SMYD2: variants seen among roughly 807,000 people sequenced by gnomAD.
SMYD2 encodes the protein SET and MYND domain containing 2.
In SMYD2, 53 loss-of-function variants were observed where a neutral mutation model predicts 59.1. The ratio of observed to expected loss-of-function variants is 0.90; its 90% confidence interval spans 0.72 to 1.13. SMYD2 has a LOEUF of 1.13. Among genes scored for constraint, SMYD2 ranks in the 50% most tolerant of loss-of-function variants. The probability of loss-of-function intolerance (pLI) is 0.00; values close to 1 mark genes in which losing one functional copy is unlikely to be tolerated. For synonymous variants in SMYD2, 208 were observed against 198.8 expected (o/e 1.05, Z -0.39); for missense variants, 494 against 544.7 (o/e 0.91, Z 0.93).
chr1:214,307,144 G>T (rs944585396), intron 2 of SMYD2, among the ~76,000 whole-genome samples: 1 of 152,262 alleles, frequency 6.6e-6, no homozygotes, highest in South Asian at 2.1e-4. Flanking sequence ...TTGCACTCCA[G>T]CCTGGGCAAC....
chr1:214,324,495 C>T (rs1031411477), intron 5 of SMYD2, 146 bp from the exon 6 acceptor site: 22 of 670,980 alleles, frequency 3.3e-5, no homozygotes, highest in Admixed American at 6.0e-5. Flanking sequence ...TTTGTTTGAA[C>T]GATAACATGG....
rs567399320 is a variant in SMYD2, at chr1:214,300,925, G to T, written c.174-4262G>T. ...GTACTCTTAAAAATTATTGAGAACC[G>T]CAGAGAGCTTTTGTTTATATGAGTT... On this transcript the variant is annotated intron_variant, in intron 1 of 11. Transcript: ENST00000366957. 1.1e-3 allele frequency among the ~76,000 whole-genome samples: 160 copies of T among 152,280 alleles called. 1 individual carries two copies. Among genetic ancestry groups the T allele is most frequent in the Non-Finnish European group, 1.9e-3 (127 of 68,014 alleles).
chr1:214,309,875 G>A (rs192945403), intron 2 of SMYD2, among the ~76,000 whole-genome samples: 6 of 152,266 alleles, frequency 3.9e-5, no homozygotes, highest in South Asian at 2.1e-4. Context: ...TCAGCAGCAC[G>A]GGCCATCTTT....
Position 214,281,266 on chromosome 1 carries a change from G to A in SMYD2, c.12G>A (p.Glu4=). 1 of 1,270,870 alleles carries A rather than the reference G, an allele frequency of 7.9e-7. No individual in the cohort carries two copies. The highest frequency in any genetic ancestry group is 1.0e-6 in the Non-Finnish European group (1 of 1,001,300). The allele number at this position is 1,270,870 out of a possible 1,614,324, so 78.7% of individuals were successfully genotyped here. A position where few individuals can be genotyped will look rare whatever the true frequency, so the allele number is the denominator to read the frequency against. MRA[E]GLGGLERFCS... The stretch of plus-strand genomic sequence containing the variant: ...GCCCCGCCGCCACCATGAGGGCCGA[G>A]GGCCTCGGCGGCCTGGAGCGCTTCT... Residue 4 remains glutamate, a synonymous_variant, in exon 1 of 12, where the codon GAG becomes GAA. Transcript: ENST00000366957.
rs1656433508 is a variant in SMYD2 at position 214,281,202 on chromosome 1, C to T, written c.-53C>T. Reference sequence around the variant, plus strand: ...CTAGGTGACGCGTCTCCAATAACAGCTCGCCGGGAGCCGCAGCTCGGGCAC... The same window carrying T: ...CTAGGTGACGCGTCTCCAATAACAGTTCGCCGGGAGCCGCAGCTCGGGCAC... On this transcript the variant is annotated 5_prime_UTR_variant, in exon 1 of 12. Coordinates refer to ENST00000366957, the MANE Select transcript of SMYD2 (RefSeq NM_020197.3). The T allele has an allele frequency of 8.3e-7, 1 of 1,206,160 alleles. No individual in the cohort carries two copies. Among genetic ancestry groups the T allele is most frequent in the Non-Finnish European group, 1.0e-6 (1 of 966,252 alleles). 74.7% of individuals were successfully genotyped at this position (1,206,160 alleles called of 1,614,324 possible).
At chr1:214,304,556 C>CT (rs1467680777) in intron 1 of SMYD2, among the ~76,000 whole-genome samples, 2 of 27,628 alleles carry the variant, frequency 7.2e-5, no homozygotes, top group African/African-American at 6.3e-4. Flanking sequence ...GAGACCCTAT[C>CT]TCAAAAAAAA....
chr1:214,288,938 C>CTTTT (rs10660642), intron 1 of SMYD2, among the ~76,000 whole-genome samples: 10,419 of 136,604 alleles, frequency 0.076, 515 homozygotes, highest in South Asian at 0.2. Flanking sequence ...AGCCCATAGT[C>CTTTT]TTTTTTTTTT....
intron 1 of SMYD2, among the ~76,000 whole-genome samples, chr1:214,287,327 C>G (rs1400912780): frequency 6.6e-6 from 1 of 151,894 alleles, no homozygotes; most frequent in East Asian, 1.9e-4. Context: ...TGGCTCATGC[C>G]TGTAATCCCA....
chr1:214,287,061 T>G (rs1656560166), intron 1 of SMYD2, among the ~76,000 whole-genome samples: 1 of 151,792 alleles, frequency 6.6e-6, no homozygotes, highest in Non-Finnish European at 1.5e-5. Context: ...ACTCCTGACC[T>G]CAGGTGATCC....
At chr1:214,300,607 C>G (rs1656806089) in intron 1 of SMYD2, among the ~76,000 whole-genome samples, 1 of 152,192 alleles carries the variant, frequency 6.6e-6, no homozygotes, top group Non-Finnish European at 1.5e-5. Context: ...TTTGTTGTTA[C>G]TATTAGCTTA....
rs368794892 is a variant in SMYD2 at position 214,332,187 on chromosome 1, C to A, written c.1107C>A (p.Pro369=). 2 of 1,613,930 alleles carry A rather than the reference C, an allele frequency of 1.2e-6. No individual in the cohort carries two copies. The highest frequency in any genetic ancestry group is 3.3e-5 in the Admixed American group (2 of 60,010). The change falls in exon 10 of 12, where the codon CCC becomes CCA. Residue 369 remains proline, a synonymous_variant. Coordinates refer to ENST00000366957, the MANE Select transcript of SMYD2 (RefSeq NM_020197.3). The part of the protein sequence containing the change: ...ALQYGQKIIK[P]YSKHYPLYSL... ...AATATGGACAGAAAATCATTAAGCCCTACAGGTGATTGCAGAGGCTGTTCT... is the reference window on the plus strand; with the variant it reads ...AATATGGACAGAAAATCATTAAGCCATACAGGTGATTGCAGAGGCTGTTCT...
rs780945818 is a variant in SMYD2 at position 214,312,907 on chromosome 1, A to G, written c.238-1855A>G. On this transcript the variant is annotated intron_variant, in intron 2 of 11. Transcript: ENST00000366957. The surrounding 1 kb of genome is among the most constrained non-coding windows in gnomAD (Gnocchi z 4.1). ...CAGGCTGCTCTCTGGAACCTAGTCC[A>G]TGGGAGCAAGGACAGAAGCGGGCAT... Among the ~76,000 whole-genome samples, 6 of 152,222 alleles carry G rather than the reference A, an allele frequency of 3.9e-5. No individual in the cohort carries two copies. Among genetic ancestry groups the G allele is most frequent in the Non-Finnish European group, 7.3e-5 (5 of 68,034 alleles).
Position 214,330,971 on chromosome 1 carries a change from C to G in SMYD2, c.838C>G (p.Arg280Gly). The G allele has an allele frequency of 1.2e-6, 2 of 1,614,164 alleles. No individual in the cohort carries two copies. Among genetic ancestry groups the G allele is most frequent in the Non-Finnish European group, 1.7e-6 (2 of 1,180,038 alleles). Residue 280 changes from arginine (R) to glycine (G), a missense_variant, in exon 9 of 12, where the codon CGG (arginine) becomes GGG (glycine). By Grantham distance (125) the Arg-to-Gly change is moderately radical. Transcript: ENST00000366957. ...KDKDKAKVEI[R>G]KLSDPPKAEA... ...TCAGGATAAGGCCAAGGTGGAAATCCGGAAGCTCAGCGATCCCCCAAAGGC... is the reference window on the plus strand; with the variant it reads ...TCAGGATAAGGCCAAGGTGGAAATCGGGAAGCTCAGCGATCCCCCAAAGGC...
chr1:214,301,709 A>AT (rs1164185534), intron 1 of SMYD2, among the ~76,000 whole-genome samples: 1 of 150,600 alleles, frequency 6.6e-6, no homozygotes, highest in Non-Finnish European at 1.5e-5. Flanking sequence ...TTTCAGTAAT[A>AT]TATCTGCCAA....
At position 214,318,543 on chromosome 1, in the gene SMYD2, T is replaced by C. The variant is rs1657121783; in HGVS notation, c.410-316T>C. On this transcript the variant is annotated intron_variant, in intron 4 of 11. Coordinates refer to ENST00000366957, the MANE Select transcript of SMYD2 (RefSeq NM_020197.3). This position sits in a 1 kb window ranked among gnomAD's most constrained non-coding sequence, Gnocchi z 5.4. ...ATTCCCGGGCCAATTGGGGGGCCCT[T>C]GACTAGGCTGAGGCTGGTTATGAGT... Among the ~76,000 whole-genome samples the C allele has an allele frequency of 6.6e-6, 1 of 152,152 alleles. No individual in the cohort carries two copies. Among genetic ancestry groups the C allele is most frequent in the Non-Finnish European group, 1.5e-5 (1 of 68,014 alleles).
rs12725392 is a variant in SMYD2 at position 214,318,524 on chromosome 1, G to A, written c.410-335G>A. ...TTGTTTGACCACGGCCCAGATTCCC[G>A]GGCCAATTGGGGGGCCCTTGACTAG... On this transcript the variant is annotated intron_variant, in intron 4 of 11. Coordinates refer to ENST00000366957, the MANE Select transcript of SMYD2 (RefSeq NM_020197.3). The surrounding 1 kb of genome is among the most constrained non-coding windows in gnomAD (Gnocchi z 5.4). 0.27 allele frequency among the ~76,000 whole-genome samples: 41,181 copies of A among 151,960 alleles called. 5,885 individuals are homozygous for A. The highest frequency in any genetic ancestry group is 0.47 in the East Asian group (2,416 of 5,146).
At position 214,318,406 on chromosome 1, in the gene SMYD2, T is replaced by C. The variant is rs368152909; in HGVS notation, c.409+267T>C. Among the ~76,000 whole-genome samples, 256 of 152,294 alleles carry C rather than the reference T, an allele frequency of 1.7e-3. 14 individuals carry two copies. The South Asian group carries it at 0.048, about 29-fold the overall frequency. ...CCTGAGCTACCTCCTGCTGGCCCTC[T>C]TGGCATGCTGAATACTTTTGGATCT... On this transcript the variant is annotated intron_variant, in intron 4 of 11. Coordinates refer to ENST00000366957, the MANE Select transcript of SMYD2 (RefSeq NM_020197.3). This position sits in a 1 kb window ranked among gnomAD's most constrained non-coding sequence, Gnocchi z 5.4.
At chr1:214,324,582 C>G in intron 5 of SMYD2, 59 bp from the exon 6 acceptor site, 4 of 1,433,464 alleles carry the variant, frequency 2.8e-6, no homozygotes, top group Non-Finnish European at 3.9e-6. Context: ...AAAAAATGAT[C>G]TCTACCCAGA....
intron 1 of SMYD2, among the ~76,000 whole-genome samples, chr1:214,304,589 A>G (rs1354923303): frequency 1.4e-5 from 2 of 147,758 alleles, no homozygotes; most frequent in African/African-American, 2.5e-5. Context: ...AAAAGCATCT[A>G]TCTCCACTTG....
Sources: gnomAD v4.1 joint callset for allele counts (sites outside exome capture counted in the v4.1 genomes callset) on GRCh38, gnomAD v4.1.1 for gene constraint, Gnocchi (gnomAD v3.1) non-coding constraint, MANE v1.5 for transcripts, NCBI Gene and HGNC (gene_info 2026-07-23, HGNC 2026-07-21) for gene names.